The following NBEAL1 variants were observed in gnomAD, a reference collection of about 807,000 sequenced individuals.
NBEAL1 encodes the protein neurobeachin-like protein 1.
In NBEAL1, 273 loss-of-function variants were observed where a neutral mutation model predicts 351.3. The ratio of observed to expected loss-of-function variants is 0.78; its 90% CI spans 0.70 to 0.86. The LOEUF is 0.86. Ranked by LOEUF, NBEAL1 falls within the 40% of genes least tolerant of loss-of-function variation. The pLI, the probability that NBEAL1 is intolerant of heterozygous loss-of-function variation, is 0.00. For synonymous variants in NBEAL1, 1,050 were observed against 1,086.4 expected, an observed-to-expected ratio of 0.97 and a Z score of 0.66; for missense variants, 2,961 against 3,201.3, an observed-to-expected ratio of 0.92 and a Z score of 1.81.
intron 2 of NBEAL1, among the ~76,000 whole-genome samples, chr2:203,032,992 TA>T (rs567191066): frequency 7.6e-4 from 114 of 150,812 alleles, no homozygotes; most frequent in Non-Finnish European, 1.1e-3. Context: ...ATTTTATTAT[TA>T]TTTTTTTAAT....
chr2:203,107,031 A>C (rs1344646540), intron 12 of NBEAL1, among the ~76,000 whole-genome samples: 1 of 151,966 alleles, frequency 6.6e-6, no homozygotes, highest in Non-Finnish European at 1.5e-5. Flanking sequence ...CTGATATCTG[A>C]CTCCTCTTAC....
At chr2:203,070,285 A>G (rs2061659027) in intron 7 of NBEAL1, among the ~76,000 whole-genome samples, 1 of 151,312 alleles carries the variant, frequency 6.6e-6, no homozygotes, top group Non-Finnish European at 1.5e-5. Context: ...TTAAACTAAC[A>G]TCATATTTCT....
At chr2:203,059,862 A>G (rs188487371) in intron 6 of NBEAL1, among the ~76,000 whole-genome samples, 7 of 152,352 alleles carry the variant, frequency 4.6e-5, no homozygotes, top group Non-Finnish European at 2.9e-5. Flanking sequence ...TAAAAAAAGT[A>G]CAAAGAGACA....
intron 7 of NBEAL1, among the ~76,000 whole-genome samples, chr2:203,074,071 A>T (rs187949290): frequency 1.2e-3 from 181 of 152,334 alleles, no homozygotes; most frequent in African/African-American, 4.2e-3. Context: ...CATACTTGAA[A>T]ATGGCTAAGA....
chr2:203,150,955 A>G (rs2063635361), intron 34 of NBEAL1, among the ~76,000 whole-genome samples: 1 of 152,156 alleles, frequency 6.6e-6, no homozygotes, highest in South Asian at 2.1e-4. Flanking sequence ...CTCATGTATA[A>G]AGTGCAGCTA....
intron 12 of NBEAL1, among the ~76,000 whole-genome samples, chr2:203,106,074 C>T (rs1158199915): frequency 6.6e-6 from 1 of 152,166 alleles, no homozygotes; most frequent in East Asian, 1.9e-4. Flanking sequence ...TTTTCTGTCT[C>T]TTCTCATTCA....
chr2:203,206,452 T>C (rs1233572589), intron 51 of NBEAL1, among the ~76,000 whole-genome samples: 3 of 151,946 alleles, frequency 2.0e-5, no homozygotes, highest in African/African-American at 4.8e-5. Flanking sequence ...TCCACCGTCT[T>C]CCTCTGATGC....
At chr2:203,078,606 C>G (rs1574939544) in intron 8 of NBEAL1, among the ~76,000 whole-genome samples, 1 of 152,188 alleles carries the variant, frequency 6.6e-6, no homozygotes, top group Non-Finnish European at 1.5e-5. Flanking sequence ...TCCCCAAGTA[C>G]TGGAATTACG....
At chr2:203,143,218 C>A (rs1037331514) in intron 31 of NBEAL1, among the ~76,000 whole-genome samples, 7 of 152,132 alleles carry the variant, frequency 4.6e-5, no homozygotes, top group African/African-American at 1.4e-4. Flanking sequence ...AAAAAGGAAA[C>A]CCCTAGTGAT....
In NBEAL1 at chr2:203,141,366, A is replaced by ATTATTATTATT. The variant is rs1185870312; in HGVS notation, c.4848+2620_4848+2621insATTATTATTTT. 5.5e-4 allele frequency among the ~76,000 whole-genome samples: 5 copies of ATTATTATTATT among 9,108 alleles called. 1 individual carries two copies. The East Asian group carries it at 0.012, about 22-fold the overall frequency. 6.0% of individuals were successfully genotyped at this position (9,108 alleles called of 152,430 possible). ...GATTATTATTATTATTATTATTATT[A>ATTATTATTATT]TTTTTTTTTTTTTTTTTTTTTTTTT... On this transcript the variant is annotated intron_variant, in intron 31 of 55. Transcript: ENST00000683969.
At chr2:203,129,348 T>C (rs1414615248) in intron 24 of NBEAL1, among the ~76,000 whole-genome samples, 1 of 152,222 alleles carries the variant, frequency 6.6e-6, no homozygotes, top group Non-Finnish European at 1.5e-5. Flanking sequence ...AGTAGATTTA[T>C]GTTGACTAGG....
At chr2:203,128,110 A>G (rs2062984918) in intron 24 of NBEAL1, among the ~76,000 whole-genome samples, 173 bp downstream of exon 24, 1 of 150,778 alleles carries the variant, frequency 6.6e-6, no homozygotes. Context: ...TTTGAGATGG[A>G]GTCTCGCTCT....
chr2:203,045,703 A>G (rs1477959644), intron 3 of NBEAL1, among the ~76,000 whole-genome samples: 1 of 152,232 alleles, frequency 6.6e-6, no homozygotes, highest in Middle Eastern at 3.2e-3. Flanking sequence ...TTTTCTGCAT[A>G]TAGTTAATTA....
chr2:203,139,557 CTTTTTTTTTTTT>C (rs370861737), intron 31 of NBEAL1, among the ~76,000 whole-genome samples: 84 of 67,648 alleles, frequency 1.2e-3, no homozygotes, highest in African/African-American at 4.4e-3. Context: ...CCACCCCCAC[CTTTTTTTTTTTT>C]TTTTTTTTTT....
At position 203,190,213 on chromosome 2, in the gene NBEAL1, T is replaced by C; in HGVS notation, c.6824-79T>C. The C allele has an allele frequency of 4.2e-6, 3 of 707,152 alleles. No individual in the cohort carries two copies. In the South Asian group the frequency reaches 5.0e-5, roughly 12 times the overall value. The allele number at this position is 707,152 out of a possible 1,614,324, so 43.8% of individuals were successfully genotyped here. ...ACACACACACACACACACACACCAA[T>C]GAGCCTGATACATTAATCAGTGATG... On this transcript the variant is annotated intron_variant, in intron 45 of 55. Coordinates refer to ENST00000683969, the MANE Select transcript of NBEAL1 (RefSeq NM_001378026.1).
rs1575023403 is a variant in NBEAL1 at position 203,135,969 on chromosome 2, A to G, written c.4106A>G (p.Asn1369Ser). 2 of 1,614,032 alleles carry G rather than the reference A, an allele frequency of 1.2e-6. No individual in the cohort carries two copies. Among genetic ancestry groups the G allele is most frequent in the African/African-American group, 1.3e-5 (1 of 75,044 alleles). Residue 1369 changes from asparagine (N) to serine (S), a missense_variant, in exon 28 of 56, where the codon AAC becomes AGC. Asn to Ser is a conservative substitution (Grantham distance 46). Transcript: ENST00000683969. ...SLEDRHSLDSNTPLFPEDSSV... is the reference protein window; with the variant it reads ...SLEDRHSLDSSTPLFPEDSSV... Reference sequence around the variant, plus strand: ...GAGGATAGACACTCTTTAGACTCAAACACACCATTATTTCCAGAAGATAGC... The same window carrying G: ...GAGGATAGACACTCTTTAGACTCAAGCACACCATTATTTCCAGAAGATAGC...
chr2:203,083,398 A>G lies in NBEAL1; in HGVS notation c.864A>G (p.Gln288=). ...TCAGTAGCAACTCTGATCAGCGTCA[A>G]GTGGAAACCAGTACTATTCTGGAGA... The part of the protein sequence containing the change: ...ILLSSNSDQR[Q]VETSTILENY... The change falls in exon 9 of 56, where the codon CAA becomes CAG. Residue 288 remains glutamine, a synonymous_variant. Transcript: ENST00000683969. 3 of 1,555,294 alleles carry G rather than the reference A, an allele frequency of 1.9e-6. No homozygotes were observed. The highest frequency in any genetic ancestry group is 2.4e-5 in the East Asian group (1 of 42,018).
At chr2:203,174,237 A>AAAT (rs1344382739) in intron 41 of NBEAL1, among the ~76,000 whole-genome samples, 4 of 147,774 alleles carry the variant, frequency 2.7e-5, no homozygotes, top group African/African-American at 1.0e-4. Flanking sequence ...AAAAAAAAAA[A>AAAT]AAAAAATACA....
intron 19 of NBEAL1, among the ~76,000 whole-genome samples, 169 bp from the exon 20 acceptor site, chr2:203,125,183 G>A (rs1234401581): frequency 1.3e-5 from 2 of 152,150 alleles, no homozygotes; most frequent in African/African-American, 4.8e-5. Flanking sequence ...GGTGACCCTT[G>A]AGGCTGCCCT....
Sources: allele counts gnomAD v4.1 joint callset (sites outside exome capture counted in the v4.1 genomes callset), GRCh38; gene constraint gnomAD v4.1.1; transcripts MANE v1.5; gene names NCBI Gene and HGNC (gene_info 2026-07-23, HGNC 2026-07-21).